Variants in DNAH10 observed in about 807,000 individuals in gnomAD.
The protein encoded by DNAH10 is dynein axonemal heavy chain 10.
In DNAH10, 348 loss-of-function variants were observed where a neutral mutation model predicts 506.6. That is an observed-to-expected ratio of 0.69 (90% CI 0.63 to 0.75). The LOEUF (loss-of-function observed/expected upper bound fraction) is 0.75, where lower values mean the gene tolerates loss of function less well. Among genes scored for constraint, DNAH10 ranks in the 30% least tolerant of loss-of-function variants. The pLI is 0.00. For synonymous variants in DNAH10, 2,059 were observed against 2,198.6 expected (o/e 0.94, Z 1.78); for missense variants, 5,179 against 5,787.1 (o/e 0.89, Z 3.41).
chr12:123,914,109 G>A (rs1954353352), intron 60 of DNAH10, among the ~76,000 whole-genome samples: 1 of 152,178 alleles, frequency 6.6e-6, no homozygotes. Flanking sequence ...CCTTTACTGA[G>A]CCCCCTGCTT....
At position 123,767,599 on chromosome 12, in the gene DNAH10, C is replaced by T. The variant is rs1176273962; in HGVS notation, c.215-7C>T. The T allele has an allele frequency of 1.2e-6, 2 of 1,610,122 alleles. No individual in the cohort carries two copies. The highest frequency in any genetic ancestry group is 1.7e-6 in the Non-Finnish European group (2 of 1,177,824). On this transcript the variant is annotated splice_region_variant and splice_polypyrimidine_tract_variant and intron_variant, in intron 1 of 78. Transcript: ENST00000673944. Reference sequence around the variant, plus strand: ...AATATTTTCTTCCCATTTATGTGGCCATAAAGATGAGATACCTGTCCTGTC... The same window carrying T: ...AATATTTTCTTCCCATTTATGTGGCTATAAAGATGAGATACCTGTCCTGTC...
Position 123,926,362 on chromosome 12 carries a change from C to T in DNAH10, c.11922-275C>T. On this transcript the variant is annotated intron_variant, in intron 68 of 78. Transcript: ENST00000673944. This position sits in a 1 kb window ranked among gnomAD's most constrained non-coding sequence, Gnocchi z 4.1. ...GGGTTTTGTGCCATGGGCAGGCCCA[C>T]CTAGAGGGCAAGCTGAGGTGCCCAG... 2 of 417,222 alleles carry T rather than the reference C, an allele frequency of 4.8e-6. No homozygotes were observed. The highest frequency in any genetic ancestry group is 8.3e-6 in the Non-Finnish European group (2 of 240,218). 25.8% of individuals were successfully genotyped at this position (417,222 alleles called of 1,614,324 possible). A position where few individuals can be genotyped will look rare whatever the true frequency, so the allele number is the denominator to read the frequency against.
chr12:123,769,334 A>G (rs1212856830), intron 2 of DNAH10, among the ~76,000 whole-genome samples: 1 of 151,294 alleles, frequency 6.6e-6, no homozygotes, highest in Non-Finnish European at 1.5e-5. Flanking sequence ...TTGAGACAGA[A>G]TCTTGCTAAT....
chr12:123,793,910 G>T, intron 11 of DNAH10, 32 bp from the exon 12 acceptor site: 2 of 1,173,640 alleles, frequency 1.7e-6, no homozygotes, highest in South Asian at 1.7e-5. Context: ...AATTACAGGG[G>T]CATGAGGGTT....
chr12:123,808,738 C>T (rs1958811081), intron 18 of DNAH10, 59 bp from the exon 19 acceptor site: 3 of 1,569,426 alleles, frequency 1.9e-6, no homozygotes, highest in African/African-American at 2.7e-5. Flanking sequence ...CCATCAATTG[C>T]TTGGTGTATT....
chr12:123,848,836 T>A lies in DNAH10; in HGVS notation c.6056T>A (p.Ile2019Asn). Residue 2019 changes from isoleucine to asparagine, a missense_variant, in exon 34 of 79, where the codon ATC becomes AAC. Transcript: ENST00000673944. ...GTGCTCTCCGTGATCTCCTCCCAGA[T>A]CCAGACGATCCGAAATGCTCTGATC... ...ASVLSVISSQIQTIRNALIHQ... is the reference protein window; with the variant it reads ...ASVLSVISSQNQTIRNALIHQ... 4 of 1,613,830 alleles carry A rather than the reference T, an allele frequency of 2.5e-6. No homozygotes were observed. The highest frequency in any genetic ancestry group is 3.4e-6 in the Non-Finnish European group (4 of 1,179,850).
At position 123,800,256 on chromosome 12, in the gene DNAH10, G is replaced by T. The variant is rs201599691; in HGVS notation, c.2330G>T (p.Gly777Val). ...GAGGAGCCTTCGACTTTAGAAAGGG[G>T]AGCTGTTTTTGCAATCAACTTTTCA... The part of the protein sequence containing the change: ...ATEEPSTLER[G>V]AVFAINFSPA... The change falls in exon 15 of 79, where the codon GGA becomes GTA. Residue 777 changes from glycine to valine, a missense_variant. Around this residue, in one of 3 missense-constraint regions of DNAH10, gnomAD observed 4,844 missense variants for 5,430.5 expected, o/e 0.89. Transcript: ENST00000673944. 1.7e-4 allele frequency: 270 copies of T among 1,614,006 alleles called. 1 individual carries two copies. The East Asian group carries it at 5.3e-3, about 32-fold the overall frequency.
At chr12:123,912,433 AGGGGGTCTGTCCTGGGGGGTCTGTCCTG>A (rs1161701609) in intron 59 of DNAH10, among the ~76,000 whole-genome samples, 1 of 39,404 alleles carries the variant, frequency 2.5e-5, no homozygotes, top group Non-Finnish European at 4.1e-5. Flanking sequence ...TCTTTCCCGC[AGGGGGTCTGTCCTGGGGGGTCTGTCCTG>A]GGGGGTCTGT....
At position 123,762,707 on chromosome 12, in the gene DNAH10, G is replaced by T. The variant is rs1956873852; in HGVS notation, c.214+157G>T. Among the ~76,000 whole-genome samples the T allele has an allele frequency of 6.6e-6, 1 of 152,158 alleles. No homozygotes were observed. The highest frequency in any genetic ancestry group is 2.4e-5 in the African/African-American group (1 of 41,448). Reference sequence around the variant, plus strand: ...CGCCCGCCACGTGCAGGCCCCGGGCGAACCCAGCAATCACAGCCGTCCCTG... The same window carrying T: ...CGCCCGCCACGTGCAGGCCCCGGGCTAACCCAGCAATCACAGCCGTCCCTG... On this transcript the variant is annotated intron_variant, in intron 1 of 78. Transcript: ENST00000673944. This position sits in a 1 kb window ranked among gnomAD's most constrained non-coding sequence, Gnocchi z 5.0.
intron 15 of DNAH10, 78 bp from the exon 16 acceptor site, chr12:123,801,203 G>A: frequency 4.1e-6 from 6 of 1,471,986 alleles, no homozygotes; most frequent in Non-Finnish European, 5.4e-6. Flanking sequence ...ACGGTCTTTT[G>A]TAATCTCTTG....
chr12:123,764,822 C>T (rs1376933984), intron 1 of DNAH10, among the ~76,000 whole-genome samples: 7 of 152,086 alleles, frequency 4.6e-5, no homozygotes, highest in South Asian at 4.1e-4. Context: ...GATTCCTCGC[C>T]GAAGATGCTG....
At chr12:123,895,465 GC>G (rs1253983758) in intron 54 of DNAH10, among the ~76,000 whole-genome samples, 1 of 152,154 alleles carries the variant, frequency 6.6e-6, no homozygotes, top group Non-Finnish European at 1.5e-5. Context: ...GGGAAAAGGG[GC>G]CAAGAGAATG....
chr12:123,934,822 G>A, intron 78 of DNAH10, 56 bp downstream of exon 78: 1 of 1,604,716 alleles, frequency 6.2e-7, no homozygotes. Flanking sequence ...TCTGACTGTA[G>A]TTATGGCTGA....
rs755101065 is a variant in DNAH10 at position 123,929,784 on chromosome 12, G to A, written c.12612+25G>A. On this transcript the variant is annotated intron_variant, in intron 72 of 78. Transcript: ENST00000673944. Reference sequence around the variant, plus strand: ...GGTAGGGGTGACCGGGGATCCTTCCGCAGGTGCCTCTGGGGCTACAGAGCT... The same window carrying A: ...GGTAGGGGTGACCGGGGATCCTTCCACAGGTGCCTCTGGGGCTACAGAGCT... 16 of 1,594,306 alleles carry A rather than the reference G, an allele frequency of 1.0e-5. No individual in the cohort carries two copies. The African/African-American group carries it at 1.2e-4, about 12-fold the overall frequency.
chr12:123,801,350 G>A lies in DNAH10; in HGVS notation c.2532G>A (p.Glu844=). The A allele has an allele frequency of 1.9e-6, 3 of 1,614,214 alleles. No individual in the cohort carries two copies. The highest frequency in any genetic ancestry group is 2.2e-5 in the South Asian group (2 of 91,086). The change falls in exon 16 of 79, where the codon GAG becomes GAA. Residue 844 remains glutamate, a synonymous_variant. Coordinates refer to ENST00000673944, the MANE Select transcript of DNAH10 (RefSeq NM_001372106.1). ...HMLIGTLNDA[E]SVLLKDHSQE... Reference sequence around the variant, plus strand: ...TCATAGGAACGTTAAACGATGCGGAGTCTGTGCTTCTCAAAGATCATTCCC... The same window carrying A: ...TCATAGGAACGTTAAACGATGCGGAATCTGTGCTTCTCAAAGATCATTCCC...
intron 25 of DNAH10, among the ~76,000 whole-genome samples, chr12:123,830,125 C>A (rs909789618): frequency 1.9e-4 from 29 of 152,196 alleles, no homozygotes; most frequent in Admixed American, 1.8e-3. Flanking sequence ...TAACTCTGTA[C>A]CCCAGTCCAC....
At chr12:123,870,819 G>T (rs1340659542) in intron 44 of DNAH10, among the ~76,000 whole-genome samples, 5 of 152,194 alleles carry the variant, frequency 3.3e-5, no homozygotes, top group Non-Finnish European at 7.3e-5. Context: ...GCTGGGTGGG[G>T]ACTAGACGGC....
chr12:123,795,288 A>G (rs767979581), intron 12 of DNAH10, among the ~76,000 whole-genome samples: 1 of 152,214 alleles, frequency 6.6e-6, no homozygotes. Flanking sequence ...TAGTTTCCCA[A>G]TGCTGCTGGA....
chr12:123,914,596 CAG>C, intron 61 of DNAH10, 46 bp downstream of exon 61: 1 of 1,578,096 alleles, frequency 6.3e-7, no homozygotes, highest in Non-Finnish European at 8.6e-7. Flanking sequence ...CACCTTAGCA[CAG>C]GGGGTCTACG....
Sources: gnomAD v4.1 joint callset for allele counts (sites outside exome capture counted in the v4.1 genomes callset) on GRCh38, gnomAD v4.1.1 for gene constraint, gnomAD v4.1.1 regional missense constraint, Gnocchi (gnomAD v3.1) non-coding constraint, MANE v1.5 for transcripts, NCBI Gene and HGNC (gene_info 2026-07-23, HGNC 2026-07-21) for gene names.